Variants in MARK1 observed in about 807,000 individuals in gnomAD.
MARK1 encodes microtubule affinity regulating kinase 1.
Under a neutral mutation model 96.3 loss-of-function variants are expected in MARK1, and 40 were observed. The observed-to-expected ratio is 0.42, with a 90% CI of 0.32 to 0.54. The LOEUF (loss-of-function observed/expected upper bound fraction) is 0.54, where lower values mean the gene tolerates loss of function less well. Ranked by LOEUF, MARK1 falls within the 20% of genes least tolerant of loss-of-function variation. The pLI, the probability that MARK1 is intolerant of heterozygous loss-of-function variation, is 0.16. For synonymous variants in MARK1, 317 were observed against 341.2 expected (o/e 0.93, Z 0.78); for missense variants, 719 against 984.6 (o/e 0.73, Z 3.61).
chr1:220,628,577 T>A (rs1238235463), intron 9 of MARK1, among the ~76,000 whole-genome samples: 1 of 152,150 alleles, frequency 6.6e-6, no homozygotes, highest in African/African-American at 2.4e-5. Context: ...CGGGTTTTTC[T>A]TCTTGGATTT....
chr1:220,574,993 A>T (rs995389876), intron 1 of MARK1, among the ~76,000 whole-genome samples: 1 of 152,170 alleles, frequency 6.6e-6, no homozygotes, highest in Non-Finnish European at 1.5e-5. Flanking sequence ...AGATTTAGTG[A>T]CTGTCATAAA....
intron 3 of MARK1, among the ~76,000 whole-genome samples, chr1:220,596,859 C>T (rs1431299891): frequency 6.6e-6 from 1 of 152,120 alleles, no homozygotes; most frequent in Non-Finnish European, 1.5e-5. Context: ...AAACAGTAAC[C>T]CGCCCAGTGC....
intron 1 of MARK1, among the ~76,000 whole-genome samples, chr1:220,564,804 A>G (rs1190259163): frequency 6.6e-6 from 1 of 152,238 alleles, no homozygotes; most frequent in Non-Finnish European, 1.5e-5. Flanking sequence ...CAATTCAACT[A>G]GACAATGTAA....
At chr1:220,629,019 A>G (rs1220401694) in intron 9 of MARK1, among the ~76,000 whole-genome samples, 1 of 152,028 alleles carries the variant, frequency 6.6e-6, no homozygotes, top group Non-Finnish European at 1.5e-5. Context: ...TCTTCCCTGG[A>G]TTTCTTATTT....
chr1:220,579,937 G>T (rs1664120229), intron 2 of MARK1, among the ~76,000 whole-genome samples: 1 of 152,102 alleles, frequency 6.6e-6, no homozygotes, highest in African/African-American at 2.4e-5. Context: ...CTGCTAATTT[G>T]TATCTGTTTA....
At chr1:220,537,474 C>A (rs896012429) in intron 1 of MARK1, among the ~76,000 whole-genome samples, 14 of 151,406 alleles carry the variant, frequency 9.2e-5, no homozygotes, top group East Asian at 1.9e-4. Flanking sequence ...CATTTTCTTA[C>A]TCCAGTCTAT....
intron 13 of MARK1, among the ~76,000 whole-genome samples, chr1:220,642,206 C>T (rs184355816): frequency 1.0e-3 from 152 of 152,336 alleles, no homozygotes; most frequent in African/African-American, 2.3e-3. Flanking sequence ...CACTGGCCAG[C>T]ACAGCAGCCT....
At chr1:220,574,227 G>T (rs1663677144) in intron 1 of MARK1, among the ~76,000 whole-genome samples, 1 of 152,150 alleles carries the variant, frequency 6.6e-6, no homozygotes. Flanking sequence ...AATTTGGCTT[G>T]ACTCAAACTT....
intron 13 of MARK1, among the ~76,000 whole-genome samples, chr1:220,640,365 G>A (rs77857148): frequency 0.025 from 3,753 of 152,324 alleles, 101 homozygotes; most frequent in East Asian, 0.096. Flanking sequence ...TCTATTGACA[G>A]TATTATTTAA....
intron 3 of MARK1, among the ~76,000 whole-genome samples, chr1:220,590,154 C>G (rs1322711447): frequency 6.6e-6 from 1 of 152,168 alleles, no homozygotes; most frequent in Non-Finnish European, 1.5e-5. Flanking sequence ...TTTCATGCAG[C>G]CAGCTGGAAA....
At chr1:220,599,480 A>G (rs555408028) in intron 4 of MARK1, among the ~76,000 whole-genome samples, 1 of 152,134 alleles carries the variant, frequency 6.6e-6, no homozygotes, top group Admixed American at 6.5e-5. Flanking sequence ...TCTCTTTTTA[A>G]ACTTCAGTTT....
chr1:220,627,255 A>G, intron 9 of MARK1: 1 of 490,996 alleles, frequency 2.0e-6, no homozygotes. Flanking sequence ...CCTGTGAGGA[A>G]GAGTTCTCTG....
chr1:220,605,120 G>T (rs929363987), intron 6 of MARK1, among the ~76,000 whole-genome samples: 1 of 152,168 alleles, frequency 6.6e-6, no homozygotes, highest in Non-Finnish European at 1.5e-5. Flanking sequence ...TCCTGAAAGG[G>T]AGGGGAGGAA....
chr1:220,561,071 G>T, intron 1 of MARK1, among the ~76,000 whole-genome samples: 1 of 152,180 alleles, frequency 6.6e-6, no homozygotes, highest in Non-Finnish European at 1.5e-5. Context: ...TGTTTGCAAA[G>T]GAGTGGTTAT....
chr1:220,600,470 T>G (rs74139785), intron 5 of MARK1, among the ~76,000 whole-genome samples: 1,724 of 152,308 alleles, frequency 0.011, 26 homozygotes, highest in African/African-American at 0.04. Context: ...GGAATGATTT[T>G]GAAACACTGA....
chr1:220,626,477 G>A lies in MARK1; in HGVS notation c.910-4558G>A, dbSNP rs2102992150. On this transcript the variant is annotated intron_variant, in intron 9 of 17. Coordinates refer to ENST00000366917, the MANE Select transcript of MARK1 (RefSeq NM_018650.5). ...ATTTCAAGTTCAGTGCTCTTACAGT[G>A]TGGCTCAGACTCCTTATCTGGGGAC... 3 of 537,046 alleles carry A rather than the reference G, an allele frequency of 5.6e-6. No individual in the cohort carries two copies. The Admixed American group carries it at 5.8e-5, about 10-fold the overall frequency. 33.3% of individuals were successfully genotyped at this position (537,046 alleles called of 1,614,324 possible).
At position 220,645,665 on chromosome 1, in the gene MARK1, G is replaced by A. The variant is rs568820268; in HGVS notation, c.1471-4955G>A. ...ATGCAAAAATCCTCAATAAAATACT[G>A]GCAAACTGAATCCAGCAGCACATCA... On this transcript the variant is annotated intron_variant, in intron 13 of 17. Coordinates refer to ENST00000366917, the MANE Select transcript of MARK1 (RefSeq NM_018650.5). 1.0e-3 allele frequency among the ~76,000 whole-genome samples: 158 copies of A among 152,256 alleles called. 1 individual carries two copies. The Middle Eastern group carries it at 0.034, about 33-fold the overall frequency.
At chr1:220,629,545 G>C (rs1371006913) in intron 9 of MARK1, among the ~76,000 whole-genome samples, 3 of 151,480 alleles carry the variant, frequency 2.0e-5, no homozygotes, top group African/African-American at 7.3e-5. Flanking sequence ...TCCCTCATCA[G>C]CCCCAGCAAT....
At chr1:220,557,691 T>A (rs1662378968) in intron 1 of MARK1, among the ~76,000 whole-genome samples, 1 of 152,146 alleles carries the variant, frequency 6.6e-6, no homozygotes, top group Non-Finnish European at 1.5e-5. Context: ...GGAAAGAAGT[T>A]GGATACAAGA....
Sources: gnomAD v4.1 joint callset for allele counts (sites outside exome capture counted in the v4.1 genomes callset) on GRCh38, gnomAD v4.1.1 for gene constraint, MANE v1.5 for transcripts, NCBI Gene and HGNC (gene_info 2026-07-23, HGNC 2026-07-21) for gene names.